DICER1: variants seen among roughly 807,000 people sequenced by gnomAD.
The protein encoded by DICER1 is dicer 1, ribonuclease III.
DICER1 carries 43 observed loss-of-function variants against 194.1 expected under a neutral mutation model. That is an observed-to-expected ratio of 0.22 (90% CI 0.17 to 0.29). The LOEUF is 0.29. DICER1 is among the 10% of genes least tolerant of loss of function. The probability of loss-of-function intolerance (pLI) is 1.00; values close to 1 mark genes in which losing one functional copy is unlikely to be tolerated. For synonymous variants in DICER1, 832 were observed against 820.5 expected (o/e 1.01, Z -0.24); for missense variants, 1,608 against 2,317.0 (o/e 0.69, Z 6.28).
At chr14:95,091,779 T>G (rs1370081496) in intron 24 of DICER1, among the ~76,000 whole-genome samples, 7 of 152,218 alleles carry the variant, frequency 4.6e-5, no homozygotes, top group Non-Finnish European at 7.3e-5. Flanking sequence ...ATTGGTCTGG[T>G]GCTGGCACGG....
chr14:95,138,582 G>A (rs559545956), intron 1 of DICER1, among the ~76,000 whole-genome samples: 2 of 152,138 alleles, frequency 1.3e-5, no homozygotes, highest in Admixed American at 1.3e-4. Flanking sequence ...ATTAAGCAAA[G>A]CACTACACTC....
In DICER1 at chr14:95,105,293, C is replaced by CAAAAGAAAAAAA; in HGVS notation, c.3094-59_3094-48dup. On this transcript the variant is annotated intron_variant, in intron 19 of 26. Coordinates refer to ENST00000343455, the MANE Select transcript of DICER1 (RefSeq NM_177438.3). The surrounding 1 kb of genome is among the most constrained non-coding windows in gnomAD (Gnocchi z 4.9). The stretch of plus-strand genomic sequence containing the variant: ...GACAGATAAATACAAAGCGCACACA[C>CAAAAGAAAAAAA]AAAAGAAAAAAAAAAAGACCAATTT... 8 of 1,427,266 alleles carry CAAAAGAAAAAAA rather than the reference C, an allele frequency of 5.6e-6. No individual in the cohort carries two copies. The highest frequency in any genetic ancestry group is 7.7e-6 in the Non-Finnish European group (8 of 1,043,406). 88.4% of individuals were successfully genotyped at this position (1,427,266 alleles called of 1,614,324 possible).
chr14:95,105,190 T>C lies in DICER1; in HGVS notation c.3150A>G (p.Lys1050=), dbSNP rs918507319. Residue 1050 remains lysine (K), a synonymous_variant, in exon 20 of 27, where the codon AAA becomes AAG. Transcript: ENST00000343455. The surrounding 1 kb of genome is among the most constrained non-coding windows in gnomAD (Gnocchi z 4.9). ...AAAGTATGCTGGGGAGACAAACAGCTTTTCTCCACAGTGATGCTGGAATTG... is the reference window on the plus strand; with the variant it reads ...AAAGTATGCTGGGGAGACAAACAGCCTTTCTCCACAGTGATGCTGGAATTG... ...IHPIPASLWR[K]AVCLPSILYR... 9.9e-6 allele frequency: 16 copies of C among 1,614,058 alleles called. No homozygotes were observed. The highest frequency in any genetic ancestry group is 1.4e-5 in the Non-Finnish European group (16 of 1,180,014).
intron 6 of DICER1, among the ~76,000 whole-genome samples, chr14:95,128,425 G>T (rs1000198981): frequency 6.6e-6 from 1 of 152,180 alleles, no homozygotes; most frequent in African/African-American, 2.4e-5. Context: ...CCACCACAGT[G>T]TTGGCTCAAG....
chr14:95,151,557 A>G (rs1219566251), intron 1 of DICER1, among the ~76,000 whole-genome samples: 1 of 151,638 alleles, frequency 6.6e-6, no homozygotes, highest in Non-Finnish European at 1.5e-5. Flanking sequence ...AAGGAAGCTG[A>G]GACTCAAGAG....
chr14:95,138,566 A>G (rs1894588805), intron 1 of DICER1, among the ~76,000 whole-genome samples: 1 of 152,120 alleles, frequency 6.6e-6, no homozygotes, highest in South Asian at 2.1e-4. Flanking sequence ...GATATTTAAA[A>G]AGGAAATTAA....
rs1595365566 is a variant in DICER1 at position 95,103,741 on chromosome 14, T to C, written c.3655A>G (p.Ile1219Val). The change falls in exon 21 of 27, where the codon ATT becomes GTT. Residue 1219 changes from isoleucine (I) to valine (V), a missense_variant. By Grantham distance (29) the Ile-to-Val change is conservative. Transcript: ENST00000343455. Reference sequence around the variant, plus strand: ...TTCTCGTAACTGTATAAATTCTGAATGGAATATGAGGTAGTTGGTTGCACG... The same window carrying C: ...TTCTCGTAACTGTATAAATTCTGAACGGAATATGAGGTAGTTGGTTGCACG... Reference protein sequence around the residue: ...IPVQPTTSYSIQNLYSYENQP... With the variant: ...IPVQPTTSYSVQNLYSYENQP... 3 of 1,614,198 alleles carry C rather than the reference T, an allele frequency of 1.9e-6. No individual in the cohort carries two copies. Among genetic ancestry groups the C allele is most frequent in the African/African-American group, 1.3e-5 (1 of 75,056 alleles).
rs1220728865 is a variant in DICER1 at position 95,150,597 on chromosome 14, CCATCA to C, written c.-46+6628_-46+6632del. Among the ~76,000 whole-genome samples the C allele has an allele frequency of 2.0e-5, 3 of 152,338 alleles. No homozygotes were observed. The East Asian group carries it at 5.8e-4, about 29-fold the overall frequency. On this transcript the variant is annotated intron_variant, in intron 1 of 26. Coordinates refer to ENST00000343455, the MANE Select transcript of DICER1 (RefSeq NM_177438.3). ...ATGACAGAAAAGTCACCATTTTTAA[CCATCA>C]CATTAGTGATTGAAGCAAGGATCAT...
At position 95,096,406 on chromosome 14, in the gene DICER1, G is replaced by A. The variant is rs1890339895; in HGVS notation, c.4514C>T (p.Ser1505Phe). 1.2e-6 allele frequency: 2 copies of A among 1,614,052 alleles called. No individual in the cohort carries two copies. Among genetic ancestry groups the A allele is most frequent in the Admixed American group, 1.7e-5 (1 of 60,008 alleles). Residue 1505 changes from serine (S) to phenylalanine (F), a missense_variant, in exon 23 of 27, where the codon TCT becomes TTT. This residue lies in a region of DICER1 where 164 missense variants were observed against 183.7 expected (regional missense o/e 0.89). Transcript: ENST00000343455. Reference protein sequence around the residue: ...SSDFEDFDYSSWDAMCYLDPS... With the variant: ...SSDFEDFDYSFWDAMCYLDPS... ...ATCCAGATAGCACATTGCATCCCAA[G>A]AGCTGTAGTCAAAATCCTCAAAATC...
intron 6 of DICER1, among the ~76,000 whole-genome samples, chr14:95,127,261 T>C (rs1040683517): frequency 2.0e-5 from 3 of 152,208 alleles, no homozygotes; most frequent in Admixed American, 6.5e-5. Flanking sequence ...TTATGATCCA[T>C]TTATAGGTCT....
intron 1 of DICER1, among the ~76,000 whole-genome samples, chr14:95,151,063 C>T (rs1895483035): frequency 6.6e-6 from 1 of 152,140 alleles, no homozygotes; most frequent in Non-Finnish European, 1.5e-5. Context: ...AACATAAAAC[C>T]TAACTTGAGG....
chr14:95,110,573 G>C lies in DICER1; in HGVS notation c.2256+744C>G, dbSNP rs141064609. The stretch of plus-strand genomic sequence containing the variant: ...ATGAAACAACGTTGAGCTGCTGGAG[G>C]ATCGGTACTATCTGCAGTTTCCACT... On this transcript the variant is annotated intron_variant, in intron 14 of 26. Coordinates refer to ENST00000343455, the MANE Select transcript of DICER1 (RefSeq NM_177438.3). 2.8e-4 allele frequency among the ~76,000 whole-genome samples: 42 copies of C among 152,226 alleles called. No individual in the cohort carries two copies. The East Asian group carries it at 7.1e-3, about 26-fold the overall frequency.
intron 1 of DICER1, among the ~76,000 whole-genome samples, chr14:95,148,278 G>A (rs1311439813): frequency 2.0e-5 from 3 of 152,158 alleles, no homozygotes; most frequent in African/African-American, 7.2e-5. Flanking sequence ...AGAGGTTGGA[G>A]GGTGGGTCTG....
At chr14:95,129,655 C>A (rs751126350) in intron 5 of DICER1, 23 bp from the exon 6 acceptor site, 2 of 1,604,560 alleles carry the variant, frequency 1.2e-6, no homozygotes, top group East Asian at 2.2e-5. Context: ...AAGATACTGA[C>A]AGTAAAGACT....
chr14:95,105,416 G>T lies in DICER1; in HGVS notation c.3094-170C>A, dbSNP rs1055541639. ...TAAGGCCAAATGGGATTTATCAAAG[G>T]ATTTATGAGAATGATTTTGTGATAT... On this transcript the variant is annotated intron_variant, in intron 19 of 26. Transcript: ENST00000343455. This position sits in a 1 kb window ranked among gnomAD's most constrained non-coding sequence, Gnocchi z 4.9. 6.6e-6 allele frequency among the ~76,000 whole-genome samples: 1 copy of T among 152,042 alleles called. No homozygotes were observed. The highest frequency in any genetic ancestry group is 2.4e-5 in the African/African-American group (1 of 41,388).
At chr14:95,155,872 T>C (rs545831152) in intron 1 of DICER1, among the ~76,000 whole-genome samples, 14 of 152,350 alleles carry the variant, frequency 9.2e-5, no homozygotes, top group Admixed American at 1.3e-4. Context: ...TTTGAAATAA[T>C]TGTGTATGTA....
Position 95,088,546 on chromosome 14 carries a change from G to A in DICER1, c.*1952C>T, listed in dbSNP as rs538007258. The A allele has an allele frequency of 8.6e-6, 2 of 232,036 alleles. No individual in the cohort carries two copies. Among genetic ancestry groups the A allele is most frequent in the East Asian group, 1.2e-4 (2 of 16,334 alleles). The allele number at this position is 232,036 out of a possible 1,614,324, so 14.4% of individuals were successfully genotyped here. The stretch of plus-strand genomic sequence containing the variant: ...TTCAAGAATTGCTTTGTTTTAACTG[G>A]TCATATCTTACATTAAGGTTTTTTA... On this transcript the variant is annotated 3_prime_UTR_variant, in exon 27 of 27. Transcript: ENST00000343455.
At chr14:95,135,776 T>C (rs1469729799) in intron 1 of DICER1, among the ~76,000 whole-genome samples, 2 of 152,234 alleles carry the variant, frequency 1.3e-5, no homozygotes, top group Admixed American at 6.5e-5. Flanking sequence ...TCCATGTGTG[T>C]TTGTGTATCA....
intron 14 of DICER1, among the ~76,000 whole-genome samples, chr14:95,110,907 T>C (rs1039610462): frequency 2.6e-5 from 4 of 152,136 alleles, no homozygotes; most frequent in Admixed American, 6.5e-5. Context: ...AGTGTACCTG[T>C]CATCTTGAGA....
Sources: gnomAD v4.1 joint callset for allele counts (sites outside exome capture counted in the v4.1 genomes callset) on GRCh38, gnomAD v4.1.1 for gene constraint, gnomAD v4.1.1 regional missense constraint, Gnocchi (gnomAD v3.1) non-coding constraint, MANE v1.5 for transcripts, NCBI Gene and HGNC (gene_info 2026-07-23, HGNC 2026-07-21) for gene names.